The following OPCML variants were observed in gnomAD, a reference collection of about 807,000 sequenced individuals.
The protein encoded by OPCML is opioid-binding protein/cell adhesion molecule.
Under a neutral mutation model 37.8 loss-of-function variants are expected in OPCML, and 13 were observed. The ratio of observed to expected loss-of-function variants is 0.34; its 90% CI spans 0.22 to 0.55. The LOEUF (loss-of-function observed/expected upper bound fraction) is 0.55. OPCML is among the 20% of genes least tolerant of loss of function. The pLI, the probability that OPCML is intolerant of heterozygous loss-of-function variation, is 0.91. For synonymous variants in OPCML, 176 were observed against 168.8 expected, an observed-to-expected ratio of 1.04 and a Z score of -0.33; for missense variants, 341 against 435.6, an observed-to-expected ratio of 0.78 and a Z score of 1.93.
chr11:132,828,484 T>C (rs1055689878), intron 2 of OPCML, among the ~76,000 whole-genome samples: 2 of 152,112 alleles, frequency 1.3e-5, no homozygotes, highest in Non-Finnish European at 2.9e-5. Context: ...AGGCTGGGTG[T>C]GAGGAAGGAG....
chr11:133,129,396 T>A (rs1422649920), intron 1 of OPCML, among the ~76,000 whole-genome samples: 1 of 152,114 alleles, frequency 6.6e-6, no homozygotes, highest in Non-Finnish European at 1.5e-5. Context: ...TTGGGTAGAG[T>A]ACACCGAAAG....
intron 2 of OPCML, among the ~76,000 whole-genome samples, chr11:132,937,587 GTGTGTGGGGTGTGTGT>G (rs1945426818): frequency 1.1e-5 from 1 of 90,444 alleles, no homozygotes; most frequent in Non-Finnish European, 2.4e-5. Context: ...TGTGTGTGGC[GTGTGTGGGGTGTGTGT>G]GTGTGTGTGT....
At chr11:132,638,167 A>ATATATATATATATATATATATATAG (rs1225755751) in intron 3 of OPCML, among the ~76,000 whole-genome samples, 2 of 18,886 alleles carry the variant, frequency 1.1e-4, no homozygotes, top group Non-Finnish European at 9.7e-5. Flanking sequence ...TACAGACTAT[A>ATATATATATATATATATATATATAG]TATATATATA....
At chr11:133,216,497 T>C (rs1939591714) in intron 1 of OPCML, among the ~76,000 whole-genome samples, 2 of 152,246 alleles carry the variant, frequency 1.3e-5, no homozygotes, top group African/African-American at 4.8e-5. Flanking sequence ...CTTCAGCTGG[T>C]TGTGGTCACA....
chr11:133,266,594 T>G (rs1205048074), intron 1 of OPCML, among the ~76,000 whole-genome samples: 1 of 152,200 alleles, frequency 6.6e-6, no homozygotes, highest in Non-Finnish European at 1.5e-5. Flanking sequence ...TCATCGGGAC[T>G]TAGAACACTA....
At chr11:133,430,223 G>A (rs893424327) in intron 1 of OPCML, among the ~76,000 whole-genome samples, 30 of 152,134 alleles carry the variant, frequency 2.0e-4, no homozygotes, top group Non-Finnish European at 3.7e-4. Context: ...AGGTGTTTTG[G>A]TGGAGAGGTG....
intron 2 of OPCML, among the ~76,000 whole-genome samples, chr11:132,889,303 C>T (rs1280559598): frequency 6.6e-6 from 1 of 152,190 alleles, no homozygotes. Flanking sequence ...CGGGCAAGTG[C>T]TACAAAGTTG....
At chr11:133,077,864 T>C (rs932561091) in intron 1 of OPCML, among the ~76,000 whole-genome samples, 2 of 151,954 alleles carry the variant, frequency 1.3e-5, no homozygotes, top group African/African-American at 4.8e-5. Context: ...AAATACAGAC[T>C]GAAAGAATCA....
chr11:132,429,416 G>A (rs2095988965), intron 7 of OPCML, among the ~76,000 whole-genome samples: 1 of 152,192 alleles, frequency 6.6e-6, no homozygotes, highest in South Asian at 2.1e-4. Context: ...AATGGAGATG[G>A]AGAAGTCAGA....
chr11:132,474,309 G>T (rs1352394898), intron 4 of OPCML, among the ~76,000 whole-genome samples: 1 of 152,100 alleles, frequency 6.6e-6, no homozygotes, highest in East Asian at 1.9e-4. Flanking sequence ...GAAGCTACCA[G>T]AACAGAATGC....
chr11:132,615,571 A>G (rs1938956212), intron 3 of OPCML, among the ~76,000 whole-genome samples: 1 of 152,216 alleles, frequency 6.6e-6, no homozygotes, highest in African/African-American at 2.4e-5. Flanking sequence ...CTATCTATGT[A>G]GCATTTACAT....
chr11:132,873,377 T>C (rs1395244608), intron 2 of OPCML, among the ~76,000 whole-genome samples: 1 of 152,180 alleles, frequency 6.6e-6, no homozygotes, highest in African/African-American at 2.4e-5. Context: ...TTTCAGTTAT[T>C]TCACAAGGCC....
chr11:132,825,053 C>T (rs1940216756), intron 2 of OPCML, among the ~76,000 whole-genome samples: 1 of 152,106 alleles, frequency 6.6e-6, no homozygotes, highest in African/African-American at 2.4e-5. Context: ...TGTTGTTATT[C>T]CCACCCTTCA....
chr11:132,760,551 A>G (rs868101916), intron 2 of OPCML, among the ~76,000 whole-genome samples: 1 of 148,234 alleles, frequency 6.7e-6, no homozygotes, highest in Admixed American at 6.7e-5. Flanking sequence ...ACCATTATGT[A>G]ATGCCCTTCT....
intron 2 of OPCML, among the ~76,000 whole-genome samples, chr11:132,884,844 T>C (rs1261079720): frequency 6.6e-6 from 1 of 152,212 alleles, no homozygotes; most frequent in Non-Finnish European, 1.5e-5. Flanking sequence ...TGAAAAGTGA[T>C]TGCTCAGATT....
chr11:132,852,356 T>C (rs192669844), intron 2 of OPCML, among the ~76,000 whole-genome samples: 1 of 152,270 alleles, frequency 6.6e-6, no homozygotes, highest in East Asian at 1.9e-4. Flanking sequence ...AGGAAGAATT[T>C]TACCTCCGCT....
chr11:133,007,380 G>A, intron 1 of OPCML: 8 of 985,468 alleles, frequency 8.1e-6, no homozygotes, highest in Non-Finnish European at 9.6e-6. Context: ...CCACAGAGCA[G>A]ATACTTGGTG....
At chr11:132,454,663 G>A (rs2136870404) in intron 4 of OPCML, among the ~76,000 whole-genome samples, 1 of 152,304 alleles carries the variant, frequency 6.6e-6, no homozygotes, top group South Asian at 2.1e-4. Flanking sequence ...GTGGCTTTCT[G>A]TAACCTATTA....
Position 132,436,172 on chromosome 11 carries a change from A to G in OPCML, c.830T>C (p.Phe277Ser). The G allele has an allele frequency of 6.2e-7, 1 of 1,614,236 alleles. No individual in the cohort carries two copies. Among genetic ancestry groups the G allele is most frequent in the East Asian group, 2.2e-5 (1 of 44,884 alleles). ...NKGRMSTLTF[F>S]NVSEKDYGNY... ...CCCATAATCCTTTTCTGAAACATTGAAGAAAGTCAGAGTGGACATGCGGCC... is the reference window on the plus strand; with the variant it reads ...CCCATAATCCTTTTCTGAAACATTGGAGAAAGTCAGAGTGGACATGCGGCC... The change falls in exon 7 of 8, where the codon TTC becomes TCC. Residue 277 changes from phenylalanine (F) to serine (S), a missense_variant. Coordinates refer to ENST00000524381, the MANE Select transcript of OPCML (RefSeq NM_001012393.5).
Sources: allele counts gnomAD v4.1 joint callset (sites outside exome capture counted in the v4.1 genomes callset), GRCh38; gene constraint gnomAD v4.1.1; transcripts MANE v1.5; gene names NCBI Gene and HGNC (gene_info 2026-07-23, HGNC 2026-07-21).